The following CYFIP1 variants were observed in gnomAD, a reference collection of about 807,000 sequenced individuals.
CYFIP1 encodes the protein cytoplasmic FMR1-interacting protein 1.
In CYFIP1, 58 loss-of-function variants were observed where a neutral mutation model predicts 163.5. That is an observed-to-expected ratio of 0.35 (90% CI 0.29 to 0.44). The LOEUF (loss-of-function observed/expected upper bound fraction) is 0.44. Among genes scored for constraint, CYFIP1 ranks in the 20% least tolerant of loss-of-function variants. CYFIP1 has a pLI of 1.00. For synonymous variants in CYFIP1, 663 were observed against 660.7 expected, an observed-to-expected ratio of 1.00 and a Z score of -0.05; for missense variants, 1,338 against 1,653.8, an observed-to-expected ratio of 0.81 and a Z score of 3.31.
chr15:22,918,876 A>G lies in CYFIP1; in HGVS notation c.1360-18T>C. 1 of 1,573,476 alleles carries G rather than the reference A, an allele frequency of 6.4e-7. No homozygotes were observed. Among genetic ancestry groups the G allele is most frequent in the East Asian group, 2.3e-5 (1 of 44,264 alleles). On this transcript the variant is annotated intron_variant, in intron 13 of 30. Coordinates refer to ENST00000617928, the MANE Select transcript of CYFIP1 (RefSeq NM_014608.6). The stretch of plus-strand genomic sequence containing the variant: ...GCGATCACCTGCGGGGGACACAGCA[A>G]CAGGGACGGCCCTTCTTAGGGATGG...
In CYFIP1 at chr15:22,879,967, G is replaced by T. The variant is rs762673898; in HGVS notation, c.2988C>A (p.Asn996Lys). 1.9e-6 allele frequency: 3 copies of T among 1,613,936 alleles called. No individual in the cohort carries two copies. Among genetic ancestry groups the T allele is most frequent in the Admixed American group, 3.3e-5 (2 of 60,012 alleles). ...YAELKTVCFQ[N>K]LREVGNAILF... ...GGATGGCGTTCCCCACCTCCCGCAG[G>T]TTCTGGAAGCACACCGTCTTCAGCT... Residue 996 changes from asparagine (N) to lysine (K), a missense_variant, in exon 26 of 31, where the codon AAC (asparagine) becomes AAA (lysine). Physicochemically the swap from Asn to Lys is moderately conservative, Grantham distance 94 (BLOSUM62 0). Transcript: ENST00000617928.
chr15:22,918,016 T>C, intron 14 of CYFIP1, 81 bp from the exon 15 acceptor site: 3 of 1,489,294 alleles, frequency 2.0e-6, no homozygotes, highest in South Asian at 1.3e-5. Context: ...CTCACCCAAC[T>C]ACAAGGCTCT....
intron 1 of CYFIP1, among the ~76,000 whole-genome samples, chr15:22,968,594 A>T (rs2062988798): frequency 6.6e-6 from 1 of 152,138 alleles, no homozygotes; most frequent in Non-Finnish European, 1.5e-5. Context: ...TCTCTGGAGA[A>T]CCCTGACTAA....
chr15:22,928,320 T>A (rs867091961), intron 11 of CYFIP1, among the ~76,000 whole-genome samples: 22 of 152,010 alleles, frequency 1.4e-4, no homozygotes, highest in African/African-American at 5.3e-4. Context: ...GAGGCGGAGC[T>A]TGCAGTGAGC....
intron 13 of CYFIP1, among the ~76,000 whole-genome samples, chr15:22,921,867 T>C (rs542692240): frequency 5.3e-5 from 8 of 151,922 alleles, no homozygotes; most frequent in Non-Finnish European, 1.2e-4. Flanking sequence ...GAAAAAATAC[T>C]GTCATAGGAT....
intron 9 of CYFIP1, among the ~76,000 whole-genome samples, chr15:22,935,776 G>A (rs1322744023): frequency 6.6e-6 from 1 of 152,092 alleles, no homozygotes; most frequent in African/African-American, 2.4e-5. Flanking sequence ...TAGATCTTAA[G>A]TGTTCTCATC....
chr15:22,952,304 G>C (rs563164771), intron 1 of CYFIP1, among the ~76,000 whole-genome samples: 9 of 152,224 alleles, frequency 5.9e-5, no homozygotes, highest in Admixed American at 3.3e-4. Context: ...CTGGACAGTG[G>C]TGGTGGTTGC....
chr15:22,906,159 T>C (rs1230361058), intron 21 of CYFIP1, among the ~76,000 whole-genome samples: 2 of 151,602 alleles, frequency 1.3e-5, no homozygotes, highest in Admixed American at 6.6e-5. Flanking sequence ...TAGGCTGGAG[T>C]GCAATGGTAC....
At chr15:22,969,072 A>G (rs1194928608) in intron 1 of CYFIP1, among the ~76,000 whole-genome samples, 1 of 152,118 alleles carries the variant, frequency 6.6e-6, no homozygotes, top group Admixed American at 6.5e-5. Flanking sequence ...CTGAGCATCA[A>G]ATTTTGGCTA....
intron 1 of CYFIP1, among the ~76,000 whole-genome samples, chr15:22,960,203 A>C: frequency 6.6e-6 from 1 of 150,848 alleles, no homozygotes. Context: ...TACCACCTAC[A>C]CTACACCTCA....
chr15:22,904,651 G>C (rs2060510904), intron 21 of CYFIP1: 1 of 152,228 alleles, frequency 6.6e-6, no homozygotes, highest in South Asian at 2.1e-4. Flanking sequence ...TTACGGATCT[G>C]ACTTGTGTTC....
Position 22,947,173 on chromosome 15 carries a change from T to C in CYFIP1, c.113A>G (p.Tyr38Cys). Residue 38 changes from tyrosine to cysteine, a missense_variant, in exon 2 of 31, where the codon TAC becomes TGC. Coordinates refer to ENST00000617928, the MANE Select transcript of CYFIP1 (RefSeq NM_014608.6). ...CIEPPPSSLL[Y>C]QPNFNTNFED... ...CTGCAGCTGCTGGGCACCCACCTGG[T>C]AGAGCAGCGAGGATGGCGGGGGCTC... The C allele has an allele frequency of 6.2e-7, 1 of 1,614,076 alleles. No individual in the cohort carries two copies. Among genetic ancestry groups the C allele is most frequent in the Non-Finnish European group, 8.5e-7 (1 of 1,179,972 alleles).
At chr15:22,900,270 G>C (rs1436236028) in intron 22 of CYFIP1, among the ~76,000 whole-genome samples, 2 of 152,056 alleles carry the variant, frequency 1.3e-5, no homozygotes, top group African/African-American at 4.8e-5. Context: ...TGCAAGCCAA[G>C]AACACCCAGA....
At chr15:22,977,732 G>A (rs1008340856) in intron 1 of CYFIP1, among the ~76,000 whole-genome samples, 2 of 152,092 alleles carry the variant, frequency 1.3e-5, no homozygotes, top group Non-Finnish European at 1.5e-5. Context: ...TCGGAAGGCT[G>A]GGGCAGGAGA....
intron 6 of CYFIP1, among the ~76,000 whole-genome samples, chr15:22,942,891 C>G (rs1232066575): frequency 6.6e-6 from 1 of 152,208 alleles, no homozygotes; most frequent in Non-Finnish European, 1.5e-5. Flanking sequence ...TTGTGCATGT[C>G]TGTCTTCCCA....
chr15:22,911,465 GCC>G (rs1168299026), intron 18 of CYFIP1, among the ~76,000 whole-genome samples: 1 of 152,212 alleles, frequency 6.6e-6, no homozygotes, highest in Non-Finnish European at 1.5e-5. Context: ...ACCACCGAGG[GCC>G]TTCCCTGGAG....
At chr15:22,918,991 G>T in intron 13 of CYFIP1, 133 bp from the exon 14 acceptor site, 1 of 673,526 alleles carries the variant, frequency 1.5e-6, no homozygotes, top group Non-Finnish European at 2.5e-6. Flanking sequence ...CCCTGCAGCT[G>T]CCCTGCCCCA....
chr15:22,873,057 C>T (rs2059481836), intron 29 of CYFIP1, 85 bp from the exon 30 acceptor site: 1 of 1,448,672 alleles, frequency 6.9e-7, no homozygotes, highest in Non-Finnish European at 9.5e-7. Context: ...TGTCAGTGAC[C>T]AAGCCATCTG....
At chr15:22,911,991 A>G (rs2060801361) in intron 18 of CYFIP1, among the ~76,000 whole-genome samples, 188 bp downstream of exon 18, 1 of 152,238 alleles carries the variant, frequency 6.6e-6, no homozygotes, top group African/African-American at 2.4e-5. Flanking sequence ...CACACGGTCA[A>G]GTGAAAAAGC....
Sources: allele counts gnomAD v4.1 joint callset (sites outside exome capture counted in the v4.1 genomes callset), GRCh38; gene constraint gnomAD v4.1.1; transcripts MANE v1.5; gene names NCBI Gene and HGNC (gene_info 2026-07-23, HGNC 2026-07-21).